CLIC5: variants seen among roughly 807,000 people sequenced by gnomAD.
CLIC5 encodes chloride intracellular channel protein 5.
A neutral mutation model predicts 24.7 loss-of-function variants in CLIC5; 20 were observed. That is an observed-to-expected ratio of 0.81 (90% CI 0.57 to 1.18). The LOEUF (loss-of-function observed/expected upper bound fraction) is 1.18, where lower values mean the gene tolerates loss of function less well. CLIC5 is among the 50% of genes most tolerant of loss of function. CLIC5 has a pLI of 0.00. For synonymous variants in CLIC5, 159 were observed against 135.6 expected, an observed-to-expected ratio of 1.17 and a Z score of -1.20; for missense variants, 341 against 326.1, an observed-to-expected ratio of 1.05 and a Z score of -0.35.
At chr6:45,929,028 T>C (rs1439205474) in intron 4 of CLIC5, among the ~76,000 whole-genome samples, 2 of 152,088 alleles carry the variant, frequency 1.3e-5, no homozygotes, top group East Asian at 3.9e-4. Flanking sequence ...CATGGAATGG[T>C]GTTGGTGGTC....
chr6:46,058,340 A>G (rs1250018940), intron 1 of CLIC5, among the ~76,000 whole-genome samples: 2 of 152,200 alleles, frequency 1.3e-5, no homozygotes, highest in African/African-American at 2.4e-5. Flanking sequence ...TTCACTCTTC[A>G]TGGCAAGTGT....
chr6:46,070,646 C>A (rs1175722221), intron 1 of CLIC5, among the ~76,000 whole-genome samples: 3 of 152,002 alleles, frequency 2.0e-5, no homozygotes, highest in Non-Finnish European at 4.4e-5. Flanking sequence ...GGCCATATTG[C>A]CCAAAGCAAT....
intron 2 of CLIC5, among the ~76,000 whole-genome samples, chr6:45,951,234 T>C (rs960226123): frequency 6.6e-6 from 1 of 152,094 alleles, no homozygotes; most frequent in African/African-American, 2.4e-5. Context: ...CAACAGTGCA[T>C]TTCTCCCCCC....
At chr6:46,077,390 C>T (rs972473787) in intron 1 of CLIC5, among the ~76,000 whole-genome samples, 1 of 151,960 alleles carries the variant, frequency 6.6e-6, no homozygotes, top group Non-Finnish European at 1.5e-5. Flanking sequence ...ACATCCAGAA[C>T]TGAAAAGCCG....
intron 1 of CLIC5, among the ~76,000 whole-genome samples, chr6:45,970,392 G>T (rs1765158760): frequency 6.6e-6 from 1 of 152,160 alleles, no homozygotes; most frequent in South Asian, 2.1e-4. Flanking sequence ...ACTTGCTGCT[G>T]GCTGAGTTAT....
At chr6:46,049,583 A>G (rs1397494558) in intron 1 of CLIC5, among the ~76,000 whole-genome samples, 1 of 152,202 alleles carries the variant, frequency 6.6e-6, no homozygotes, top group Non-Finnish European at 1.5e-5. Context: ...AGACCCAGGT[A>G]TGAGTCCCCA....
At chr6:46,088,142 G>C in the CLIC5 span, among the ~76,000 whole-genome samples, 2 of 143,620 alleles carry the variant, frequency 1.4e-5, no homozygotes, top group African/African-American at 5.2e-5. Flanking sequence ...CTCTATCAGC[G>C]TACTCTCTCG....
chr6:46,077,240 A>C (rs1435272989), intron 1 of CLIC5, among the ~76,000 whole-genome samples: 6 of 152,214 alleles, frequency 3.9e-5, no homozygotes, highest in Non-Finnish European at 8.8e-5. Context: ...ATTAAGCCTC[A>C]ATAAAATGTT....
chr6:45,935,180 C>T (rs1273151746), intron 4 of CLIC5, among the ~76,000 whole-genome samples: 1 of 152,106 alleles, frequency 6.6e-6, no homozygotes, highest in Non-Finnish European at 1.5e-5. Flanking sequence ...GGGAGAAGTC[C>T]ACATCCTCTT....
At chr6:45,903,672 A>T (rs1323168055) in intron 5 of CLIC5, among the ~76,000 whole-genome samples, 1 of 152,246 alleles carries the variant, frequency 6.6e-6, no homozygotes, top group African/African-American at 2.4e-5. Context: ...GATGCTGCTA[A>T]GAAAATCTAG....
Position 46,080,233 on chromosome 6 carries a change from C to T in CLIC5, c.10G>A (p.Glu4Lys), listed in dbSNP as rs116755302. ...GTGTCATAGATGGTGCTGTAGTCTT[C>T]GTCATTCATGCTTATTGATCCGAGA... Residue 4 changes from glutamate to lysine, a missense_variant, in exon 1 of 6, where the codon GAA (glutamate) becomes AAA (lysine). Transcript: ENST00000185206. The T allele has an allele frequency of 9.1e-4, 1,404 of 1,550,370 alleles. 14 individuals carry two copies. The African/African-American group carries it at 0.017, about 19-fold the overall frequency.
At chr6:46,030,818 C>T (rs547788974) in intron 1 of CLIC5, among the ~76,000 whole-genome samples, 11 of 152,344 alleles carry the variant, frequency 7.2e-5, no homozygotes, top group African/African-American at 2.6e-4. Flanking sequence ...CCTGTGCAAA[C>T]CTCTACTCTT....
chr6:45,991,517 A>G (rs1765942189), intron 1 of CLIC5, among the ~76,000 whole-genome samples: 1 of 152,232 alleles, frequency 6.6e-6, no homozygotes, highest in Admixed American at 6.5e-5. Context: ...CAGCTAAGCC[A>G]TTGTCAGATT....
Position 46,043,972 on chromosome 6 carries a change from T to C in CLIC5, c.540+35731A>G, listed in dbSNP as rs981314980. Among the ~76,000 whole-genome samples, 9 of 152,326 alleles carry C rather than the reference T, an allele frequency of 5.9e-5. No individual in the cohort carries two copies. In the East Asian group the frequency reaches 1.7e-3, roughly 29 times the overall value. On this transcript the variant is annotated intron_variant, in intron 1 of 5. Transcript: ENST00000185206. ...GTGCAATGTCCTCTGCTGTGTGTTG[T>C]GGGGTAGGCGAAGTTGGATAAGATG...
chr6:45,919,917 T>C (rs1429285163), intron 4 of CLIC5, among the ~76,000 whole-genome samples: 2 of 152,158 alleles, frequency 1.3e-5, no homozygotes, highest in East Asian at 3.9e-4. Context: ...ATTAGCTCTA[T>C]TATAATTTAG....
chr6:45,964,142 G>A (rs1293718395), intron 1 of CLIC5, among the ~76,000 whole-genome samples: 1 of 152,188 alleles, frequency 6.6e-6, no homozygotes, highest in African/African-American at 2.4e-5. Flanking sequence ...AAGTTTGGCT[G>A]TTTCTGCTCA....
At chr6:46,047,507 T>C (rs1032039769) in intron 1 of CLIC5, among the ~76,000 whole-genome samples, 3 of 152,200 alleles carry the variant, frequency 2.0e-5, no homozygotes, top group Admixed American at 6.5e-5. Flanking sequence ...ATATGTAAAA[T>C]TGTAAACAGA....
At chr6:45,960,184 C>T (rs2127392676) in intron 1 of CLIC5, among the ~76,000 whole-genome samples, 1 of 152,108 alleles carries the variant, frequency 6.6e-6, no homozygotes, top group African/African-American at 2.4e-5. Flanking sequence ...ACTTGGTTTC[C>T]AGATAATGAA....
intron 1 of CLIC5, among the ~76,000 whole-genome samples, chr6:46,065,878 C>A (rs577793343): frequency 6.6e-6 from 1 of 152,132 alleles, no homozygotes; most frequent in Non-Finnish European, 1.5e-5. Context: ...CCCTCAAATG[C>A]ACACTTAAAA....
Sources: allele counts gnomAD v4.1 joint callset (sites outside exome capture counted in the v4.1 genomes callset), GRCh38; gene constraint gnomAD v4.1.1; transcripts MANE v1.5; gene names NCBI Gene and HGNC (gene_info 2026-07-23, HGNC 2026-07-21).